ESPN: variants seen among roughly 807,000 people sequenced by gnomAD.
ESPN encodes espin.
A neutral mutation model predicts 77.7 loss-of-function variants in ESPN; 68 were observed. The observed-to-expected ratio is 0.87, with a 90% CI of 0.72 to 1.07. The LOEUF (loss-of-function observed/expected upper bound fraction) is 1.07. Ranked by LOEUF, ESPN falls within the 50% of genes least tolerant of loss-of-function variation. The pLI, the probability that ESPN is intolerant of heterozygous loss-of-function variation, is 0.00. For synonymous variants in ESPN, 449 were observed against 567.1 expected, an observed-to-expected ratio of 0.79 and a Z score of 2.96; for missense variants, 1,060 against 1,239.0, an observed-to-expected ratio of 0.86 and a Z score of 2.17.
intron 2 of ESPN, among the ~76,000 whole-genome samples, chr1:6,438,267 C>G (rs576517845): frequency 6.6e-6 from 1 of 152,214 alleles, no homozygotes; most frequent in African/African-American, 2.4e-5. Context: ...GCCATAGACC[C>G]TCCTGGTGGC....
rs575693993 is a variant in ESPN at position 6,448,535 on chromosome 1, C to T, written c.1465-106C>T. 1,487 of 1,019,430 alleles carry T rather than the reference C, an allele frequency of 1.5e-3. 22 individuals are homozygous for T. The South Asian group carries it at 0.02, about 14-fold the overall frequency. The allele number at this position is 1,019,430 out of a possible 1,614,324, so 63.1% of individuals were successfully genotyped here. A position where few individuals can be genotyped will look rare whatever the true frequency, so the allele number is the denominator to read the frequency against. On this transcript the variant is annotated intron_variant, in intron 7 of 12. Coordinates refer to ENST00000645284, the MANE Select transcript of ESPN (RefSeq NM_031475.3). ...GGAAGTCAGCTGCTGCACCCCTCGACGGCCGCTGGCCGCGAGTCCCCAGGA... is the reference window on the plus strand; with the variant it reads ...GGAAGTCAGCTGCTGCACCCCTCGATGGCCGCTGGCCGCGAGTCCCCAGGA...
rs916078080 is a variant in ESPN at position 6,428,782 on chromosome 1, G to A, written c.488+363G>A. On this transcript the variant is annotated intron_variant, in intron 2 of 12. Transcript: ENST00000645284. The surrounding 1 kb of genome is among the most constrained non-coding windows in gnomAD (Gnocchi z 5.4). ...TCAGGCTGTGCTCATTTGCAAGACT[G>A]TTCAGGATGGAGTCGGGGGCAGCAA... Among the ~76,000 whole-genome samples, 1 of 152,194 alleles carries A rather than the reference G, an allele frequency of 6.6e-6. No homozygotes were observed. The highest frequency in any genetic ancestry group is 2.1e-4 in the South Asian group (1 of 4,832).
chr1:6,452,111 G>A lies in ESPN; in HGVS notation c.2325+15G>A. On this transcript the variant is annotated intron_variant, in intron 10 of 12. Coordinates refer to ENST00000645284, the MANE Select transcript of ESPN (RefSeq NM_031475.3). ...AGAGGCGGAAGGTGGGTGGGGCGGG[G>A]TGCCCAGGGAGCCCTGGGGTCTGCA... 6.5e-7 allele frequency: 1 copy of A among 1,530,854 alleles called. No homozygotes were observed. Among genetic ancestry groups the A allele is most frequent in the Admixed American group, 2.0e-5 (1 of 50,824 alleles). 94.8% of individuals were successfully genotyped at this position (1,530,854 alleles called of 1,614,324 possible).
At chr1:6,456,680 G>A (rs1450994733) in intron 10 of ESPN, 3 of 224,948 alleles carry the variant, frequency 1.3e-5, no homozygotes, top group South Asian at 8.4e-5. Flanking sequence ...AACTGCCTGC[G>A]TTGGACACCA....
Position 6,451,805 on chromosome 1 carries a change from C to CG in ESPN, c.2062-27dup. 6.2e-7 allele frequency: 1 copy of CG among 1,610,090 alleles called. No homozygotes were observed. The highest frequency in any genetic ancestry group is 8.5e-7 in the Non-Finnish European group (1 of 1,178,990). On this transcript the variant is annotated intron_variant, in intron 9 of 12. Transcript: ENST00000645284. The surrounding 1 kb of genome is among the most constrained non-coding windows in gnomAD (Gnocchi z 4.3). The stretch of plus-strand genomic sequence containing the variant: ...GCTTCCCTGGCCCTAGGCCACCGGG[C>CG]GCTCAGCCCCACCGCTTCTCCCTGC...
Position 6,451,878 on chromosome 1 carries a change from C to T in ESPN, c.2107C>T (p.Arg703Trp), listed in dbSNP as rs747205690. The T allele has an allele frequency of 1.6e-5, 26 of 1,611,342 alleles. No homozygotes were observed. Among genetic ancestry groups the T allele is most frequent in the East Asian group, 2.2e-5 (1 of 44,802 alleles). Residue 703 changes from arginine (R) to tryptophan (W), a missense_variant, in exon 10 of 13, where the codon CGG becomes TGG. Physicochemically the swap from Arg to Trp is moderately radical, Grantham distance 101. Transcript: ENST00000645284. This position sits in a 1 kb window ranked among gnomAD's most constrained non-coding sequence, Gnocchi z 4.3. ...PSVSPALSPV[R>W]SPTPPAAGFQ... is the part of the protein sequence containing the mutation. Reference sequence around the variant, plus strand: ...TGTGTCACCTGCACTGTCACCAGTCCGGAGCCCCACACCGCCAGCTGCGGG... The same window carrying T: ...TGTGTCACCTGCACTGTCACCAGTCTGGAGCCCCACACCGCCAGCTGCGGG...
rs1643935317 is a variant in ESPN, at chr1:6,451,049, A to G, written c.1916-554A>G. On this transcript the variant is annotated intron_variant, in intron 8 of 12. Transcript: ENST00000645284. This position sits in a 1 kb window ranked among gnomAD's most constrained non-coding sequence, Gnocchi z 4.3. ...ATAAAGGTGCTCCCGGCTTGCAACC[A>G]ATGTGTCTGCTTGTGCATCTGTCTG... 6.6e-6 allele frequency among the ~76,000 whole-genome samples: 1 copy of G among 152,114 alleles called. No individual in the cohort carries two copies. Among genetic ancestry groups the G allele is most frequent in the African/African-American group, 2.4e-5 (1 of 41,398 alleles).
intron 10 of ESPN, 92 bp from the exon 11 acceptor site, chr1:6,457,092 C>A: frequency 8.1e-7 from 1 of 1,235,984 alleles, no homozygotes; most frequent in Non-Finnish European, 1.2e-6. Context: ...AGGATGTCTT[C>A]CTGTGACCCT....
At position 6,424,981 on chromosome 1, in the gene ESPN, C is replaced by G. The variant is rs1642980162; in HGVS notation, c.26C>G (p.Ala9Gly). Residue 9 changes from alanine (A) to glycine (G), a missense_variant, in exon 1 of 13, where the codon GCG becomes GGG. Around this residue, in one of 3 missense-constraint regions of ESPN, gnomAD observed 556 missense variants for 633.6 expected, o/e 0.88. Transcript: ENST00000645284. Reference sequence around the variant, plus strand: ...ATGGCCCTGGAGCAGGCGCTGCAGGCGGCGCGGCAGGGCGAGCTGGACGTG... The same window carrying G: ...ATGGCCCTGGAGCAGGCGCTGCAGGGGGCGCGGCAGGGCGAGCTGGACGTG... MALEQALQ[A>G]ARQGELDVLR... The G allele has an allele frequency of 1.4e-6, 2 of 1,457,190 alleles. No individual in the cohort carries two copies. The highest frequency in any genetic ancestry group is 1.8e-6 in the Non-Finnish European group (2 of 1,109,450). 90.3% of individuals were successfully genotyped at this position (1,457,190 alleles called of 1,614,324 possible). A position where few individuals can be genotyped will look rare whatever the true frequency, so the allele number is the denominator to read the frequency against.
At chr1:6,436,355 C>T (rs1039700608) in intron 2 of ESPN, among the ~76,000 whole-genome samples, 10 of 152,112 alleles carry the variant, frequency 6.6e-5, no homozygotes, top group African/African-American at 2.4e-4. Context: ...GCTGAGAGAA[C>T]GTGTGTGTTG....
At chr1:6,460,971 CCTT>C (rs1644154022), downstream of ESPN, 3 of 375,676 alleles carry the variant, frequency 8.0e-6, no homozygotes, top group South Asian at 4.2e-5. Context: ...CTTGCTCTCT[CCTT>C]CTCGGGGTAA....
intron 10 of ESPN, among the ~76,000 whole-genome samples, chr1:6,454,090 T>C (rs1348971956): frequency 2.0e-5 from 3 of 152,154 alleles, no homozygotes; most frequent in African/African-American, 7.2e-5. Context: ...GCCTCTCAGC[T>C]TCAACGCCTT....
intron 7 of ESPN, among the ~76,000 whole-genome samples, 163 bp downstream of exon 7, chr1:6,446,098 G>C (rs2148528282): frequency 6.6e-6 from 1 of 152,256 alleles, no homozygotes; most frequent in Middle Eastern, 3.4e-3. Context: ...CAAGGGGTCA[G>C]GGCTGGACAC....
At chr1:6,454,303 C>A in intron 10 of ESPN, 1 of 397,664 alleles carries the variant, frequency 2.5e-6, no homozygotes, top group Admixed American at 4.4e-5. Flanking sequence ...CAGACGCGGT[C>A]CCTCCCTGCA....
chr1:6,448,342 G>A (rs755816488), intron 7 of ESPN: 11 of 361,812 alleles, frequency 3.0e-5, no homozygotes, highest in Admixed American at 5.0e-5. Context: ...CCTGGCGTCG[G>A]GGCTGGGCCA....
chr1:6,427,529 C>G lies in ESPN; in HGVS notation c.295-697C>G, dbSNP rs1643082744. ...CCCAGAGGCCACCACTAGCCTGCAC[C>G]TAGCACCCCTGGCTGACTGCCCCGG... On this transcript the variant is annotated intron_variant, in intron 1 of 12. Coordinates refer to ENST00000645284, the MANE Select transcript of ESPN (RefSeq NM_031475.3). This position sits in a 1 kb window ranked among gnomAD's most constrained non-coding sequence, Gnocchi z 4.6. 6.6e-6 allele frequency among the ~76,000 whole-genome samples: 1 copy of G among 152,208 alleles called. No individual in the cohort carries two copies. The highest frequency in any genetic ancestry group is 2.1e-4 in the South Asian group (1 of 4,830).
At chr1:6,438,071 G>A (rs1380943854) in intron 2 of ESPN, among the ~76,000 whole-genome samples, 1 of 152,118 alleles carries the variant, frequency 6.6e-6, no homozygotes, top group Non-Finnish European at 1.5e-5. Context: ...CACTGGGGGA[G>A]GTAGATGGGC....
intron 10 of ESPN, chr1:6,455,910 G>A: frequency 2.5e-6 from 1 of 398,986 alleles, no homozygotes; most frequent in Non-Finnish European, 4.4e-6. Context: ...GGAAAAGGAA[G>A]AGGAGGGGAA....
chr1:6,440,774 C>G lies in ESPN; in HGVS notation c.824C>G (p.Pro275Arg). The G allele has an allele frequency of 6.6e-7, 1 of 1,520,234 alleles. No homozygotes were observed. The highest frequency in any genetic ancestry group is 8.8e-7 in the Non-Finnish European group (1 of 1,142,842). The allele number at this position is 1,520,234 out of a possible 1,614,324, so 94.2% of individuals were successfully genotyped here. The change falls in exon 4 of 13, where the codon CCG becomes CGG. Residue 275 changes from proline to arginine, a missense_variant. Physicochemically the swap from Pro to Arg is moderately radical, Grantham distance 103 (BLOSUM62 -2). Coordinates refer to ENST00000645284, the MANE Select transcript of ESPN (RefSeq NM_031475.3). Reference protein sequence around the residue: ...EISADLWGGTPLHDAAENGEL... With the variant: ...EISADLWGGTRLHDAAENGEL... ...TCGGCTGACCTGTGGGGCGGGACCC[C>G]GCTGCACGACGCCGCCGAGAACGGG...
Sources: allele counts gnomAD v4.1 joint callset (sites outside exome capture counted in the v4.1 genomes callset), GRCh38; gene constraint gnomAD v4.1.1; regional missense constraint gnomAD v4.1.1; non-coding constraint Gnocchi (gnomAD v3.1); transcripts MANE v1.5; gene names NCBI Gene and HGNC (gene_info 2026-07-23, HGNC 2026-07-21).